Variants in SFXN4 observed in about 807,000 individuals in gnomAD.
SFXN4 encodes the protein sideroflexin 4, also known as sideroflexin-4.
Under a neutral mutation model 54.6 loss-of-function variants are expected in SFXN4, and 48 were observed. The ratio of observed to expected loss-of-function variants is 0.88; its 90% CI spans 0.70 to 1.12. The LOEUF (loss-of-function observed/expected upper bound fraction) is 1.12, where lower values mean the gene tolerates loss of function less well. Among genes scored for constraint, SFXN4 ranks in the 50% most tolerant of loss-of-function variants. The pLI, the probability that SFXN4 is intolerant of heterozygous loss-of-function variation, is 0.00. For missense variants in SFXN4, 383 were observed against 409.2 expected (o/e 0.94, Z 0.55); for synonymous variants, 130 against 145.5 (o/e 0.89, Z 0.77).
At chr10:119,160,416 G>A (rs931933209) in intron 5 of SFXN4, among the ~76,000 whole-genome samples, 16 of 151,228 alleles carry the variant, frequency 1.1e-4, no homozygotes, top group Non-Finnish European at 2.1e-4. Context: ...TCAGGAGGCT[G>A]AGGCAGGAGA....
At chr10:119,161,011 T>C (rs894615791) in intron 4 of SFXN4, 42 bp from the exon 5 acceptor site, 6 of 1,614,216 alleles carry the variant, frequency 3.7e-6, no homozygotes, top group African/African-American at 1.3e-5. Context: ...TGTCTGGTTT[T>C]GTTATTATAG....
chr10:119,161,070 A>G lies in SFXN4; in HGVS notation c.264T>C (p.Ala88=), dbSNP rs1218297875. The change falls in exon 4 of 14, where the codon GCT becomes GCC. Residue 88 remains alanine (A), a synonymous_variant. Transcript: ENST00000355697. ...TGAAACTTACAAGACTCCGCTTCCA[A>G]GCTTCTTGTATCTTAAAGGAGAAAA... ...PASADQRIQE[A]WKRSLATVHP... is the part of the protein sequence containing the mutation. 1 of 1,614,128 alleles carries G rather than the reference A, an allele frequency of 6.2e-7. No individual in the cohort carries two copies. Among genetic ancestry groups the G allele is most frequent in the Non-Finnish European group, 8.5e-7 (1 of 1,179,980 alleles).
chr10:119,163,055 C>G (rs1847621405), intron 2 of SFXN4, among the ~76,000 whole-genome samples: 1 of 152,200 alleles, frequency 6.6e-6, no homozygotes, highest in African/African-American at 2.4e-5. Context: ...ATCTCAGATT[C>G]TCAAAGTGCT....
In SFXN4 at chr10:119,161,035, A is replaced by G. The variant is rs1564827124; in HGVS notation, c.279+20T>C. ...TTGTTATTATAGGACACTAAAAATTAGGAAGGGGCTGAAACTTACAAGACT... is the reference window on the plus strand; with the variant it reads ...TTGTTATTATAGGACACTAAAAATTGGGAAGGGGCTGAAACTTACAAGACT... On this transcript the variant is annotated intron_variant, in intron 4 of 13. Coordinates refer to ENST00000355697, the MANE Select transcript of SFXN4 (RefSeq NM_213649.2). The G allele has an allele frequency of 6.2e-7, 1 of 1,614,164 alleles. No individual in the cohort carries two copies. The highest frequency in any genetic ancestry group is 1.7e-5 in the Admixed American group (1 of 60,020).
Position 119,165,561 on chromosome 10 carries a change from C to T in SFXN4, c.87G>A (p.Val29=), listed in dbSNP as rs775649871. The change falls in exon 1 of 14, where the codon GTG becomes GTA. Residue 29 remains valine, a synonymous_variant. Transcript: ENST00000355697. ...CTTGGCGCTCGGTGATCCAGAAGCG[C>T]ACGTTGGGCTCAATGAAGGCGGGGA... ...DAVPAFIEPN[V]RFWITERQSF... is the part of the protein sequence containing the mutation. 4.4e-6 allele frequency: 7 copies of T among 1,589,526 alleles called. No homozygotes were observed. The Admixed American group carries it at 8.6e-5, about 20-fold the overall frequency.
In SFXN4 at chr10:119,157,729, C is replaced by T. The variant is rs576782983; in HGVS notation, c.476G>A (p.Cys159Tyr). 2 of 1,609,876 alleles carry T rather than the reference C, an allele frequency of 1.2e-6. No homozygotes were observed. The highest frequency in any genetic ancestry group is 1.7e-5 in the Admixed American group (1 of 59,186). Reference sequence around the variant, plus strand: ...TAGTAATGATCTTTCTAGTGGCTTACAAGTCTAAGGAGAAACAAAAGTACT... The same window carrying T: ...TAGTAATGATCTTTCTAGTGGCTTATAAGTCTAAGGAGAAACAAAAGTACT... ...NSINGNRSYT[C>Y]KPLERSLLMA... Residue 159 changes from cysteine (C) to tyrosine (Y), a missense_variant, in exon 9 of 14, where the codon TGT (cysteine) becomes TAT (tyrosine). By Grantham distance (194) the Cys-to-Tyr change is radical. Transcript: ENST00000355697.
chr10:119,164,283 T>TTC (rs59832388), intron 1 of SFXN4, 87 bp from the exon 2 acceptor site: 7 of 811,498 alleles, frequency 8.6e-6, no homozygotes, highest in Non-Finnish European at 1.4e-5. Context: ...TTTTTTTTTT[T>TTC]CTGAGAACCT....
Position 119,141,301 on chromosome 10 carries a change from C to G in SFXN4, c.955G>C (p.Glu319Gln), listed in dbSNP as rs758272461. The change falls in exon 14 of 14, where the codon GAA becomes CAA. Residue 319 changes from glutamate to glutamine, a missense_variant. Coordinates refer to ENST00000355697, the MANE Select transcript of SFXN4 (RefSeq NM_213649.2). The stretch of plus-strand genomic sequence containing the variant: ...TCTGTTGGAGACTGAATTTTCTCTT[C>G]AAGACTACAGTACTGTATCTGAAAA... ...QIGQIQYCSLEEKIQSPTEET... is the reference protein window; with the variant it reads ...QIGQIQYCSLQEKIQSPTEET... The G allele has an allele frequency of 2.5e-6, 4 of 1,604,852 alleles. No individual in the cohort carries two copies. The highest frequency in any genetic ancestry group is 3.4e-6 in the Non-Finnish European group (4 of 1,171,708).
At chr10:119,163,127 A>C (rs1273787236) in intron 2 of SFXN4, among the ~76,000 whole-genome samples, 1 of 152,210 alleles carries the variant, frequency 6.6e-6, no homozygotes, top group African/African-American at 2.4e-5. Context: ...AAAAATAAAT[A>C]CAAAAATTAC....
At position 119,141,079 on chromosome 10, in the gene SFXN4, A is replaced by G. The variant is rs564134430; in HGVS notation, c.*163T>C. The G allele has an allele frequency of 1.8e-6, 1 of 547,600 alleles. No individual in the cohort carries two copies. Among genetic ancestry groups the G allele is most frequent in the Non-Finnish European group, 3.3e-6 (1 of 302,472 alleles). 33.9% of individuals were successfully genotyped at this position (547,600 alleles called of 1,614,324 possible). On this transcript the variant is annotated 3_prime_UTR_variant, in exon 14 of 14. Coordinates refer to ENST00000355697, the MANE Select transcript of SFXN4 (RefSeq NM_213649.2). ...CTCCAGCCAGCCTTAAAAACCCCAG[A>G]GACGCCAGCCTGGGAACGATCTCAG...
chr10:119,146,239 T>C lies in SFXN4; in HGVS notation c.933A>G (p.Gly311=). ...AAAGAGGAATGGGGGCACTTACCTG[T>C]CCAATCTGTGGAAATATACTAAAAG... ...PFSFSIFPQI[G]QIQYCSLEEK... Residue 311 remains glycine (G), a synonymous_variant, in exon 13 of 14, where the codon GGA becomes GGG. Coordinates refer to ENST00000355697, the MANE Select transcript of SFXN4 (RefSeq NM_213649.2). 6.3e-7 allele frequency: 1 copy of C among 1,577,156 alleles called. No homozygotes were observed. The highest frequency in any genetic ancestry group is 8.7e-7 in the Non-Finnish European group (1 of 1,147,456).
intron 10 of SFXN4, among the ~76,000 whole-genome samples, chr10:119,156,227 A>G (rs1230477610): frequency 6.6e-6 from 1 of 152,194 alleles, no homozygotes; most frequent in East Asian, 1.9e-4. Context: ...GTTCAAGACC[A>G]GCTTGGCCAA....
Position 119,141,253 on chromosome 10 carries a change from T to A in SFXN4, c.1003A>T (p.Arg335Ter). Reference protein sequence around the residue: ...PTEETEIFYHRGV With the variant: ...PTEETEIFYH ...CCTAAAACTCACGCCTACACCCCTC[T>A]GTGATAAAAGATTTCTGTTTCTTCT... The change falls in exon 14 of 14, where the codon AGA becomes TGA. Residue 335 changes from arginine to a stop codon, truncating the protein, a stop_gained. Coordinates refer to ENST00000355697, the MANE Select transcript of SFXN4 (RefSeq NM_213649.2). LOFTEE classifies it high-confidence loss of function. 1 of 1,611,690 alleles carries A rather than the reference T, an allele frequency of 6.2e-7. No individual in the cohort carries two copies. Among genetic ancestry groups the A allele is most frequent in the Non-Finnish European group, 8.5e-7 (1 of 1,177,860 alleles).
chr10:119,160,858 C>G, intron 5 of SFXN4, 57 bp downstream of exon 5: 1 of 1,570,992 alleles, frequency 6.4e-7, no homozygotes, highest in African/African-American at 1.3e-5. Context: ...GCAGAGTTTT[C>G]TAAGTGTTAG....
At chr10:119,143,883 T>G (rs1208275466) in intron 13 of SFXN4, among the ~76,000 whole-genome samples, 2 of 152,180 alleles carry the variant, frequency 1.3e-5, no homozygotes, top group Non-Finnish European at 2.9e-5. Flanking sequence ...CCCAAAGTGT[T>G]GGAATTACAG....
At chr10:119,157,635 A>G (rs377520326) in intron 9 of SFXN4, 33 bp downstream of exon 9, 35 of 1,507,208 alleles carry the variant, frequency 2.3e-5, no homozygotes, top group Non-Finnish European at 3.0e-5. Flanking sequence ...TCTGAGGAAT[A>G]AAGAAGATTT....
chr10:119,154,283 A>G (rs573867378), intron 11 of SFXN4, among the ~76,000 whole-genome samples: 9 of 152,288 alleles, frequency 5.9e-5, no homozygotes, highest in African/African-American at 1.7e-4. Context: ...CAAAGAAGAA[A>G]TTCTGTCTCA....
intron 11 of SFXN4, among the ~76,000 whole-genome samples, chr10:119,152,895 G>A (rs1299592517): frequency 6.6e-5 from 10 of 151,990 alleles, no homozygotes; most frequent in South Asian, 6.2e-4. Flanking sequence ...CCAGAAGCCC[G>A]GTTAGTCCCT....
Position 119,165,569 on chromosome 10 carries a change from G to A in SFXN4, c.79C>T (p.Pro27Ser). 1 of 1,592,106 alleles carries A rather than the reference G, an allele frequency of 6.3e-7. No homozygotes were observed. The highest frequency in any genetic ancestry group is 8.5e-7 in the Non-Finnish European group (1 of 1,171,238). Reference sequence around the variant, plus strand: ...TCGGTGATCCAGAAGCGCACGTTGGGCTCAATGAAGGCGGGGACGGCGTCT... The same window carrying A: ...TCGGTGATCCAGAAGCGCACGTTGGACTCAATGAAGGCGGGGACGGCGTCT... ...RRDAVPAFIEPNVRFWITERQ... is the reference protein window; with the variant it reads ...RRDAVPAFIESNVRFWITERQ... Residue 27 changes from proline to serine, a missense_variant, in exon 1 of 14, where the codon CCC becomes TCC. By Grantham distance (74) the Pro-to-Ser change is moderately conservative (BLOSUM62 -1). Transcript: ENST00000355697.
Sources: allele counts gnomAD v4.1 joint callset (sites outside exome capture counted in the v4.1 genomes callset), GRCh38; gene constraint gnomAD v4.1.1; transcripts MANE v1.5; gene names NCBI Gene and HGNC (gene_info 2026-07-23, HGNC 2026-07-21).